CCSER1: variants seen among roughly 807,000 people sequenced by gnomAD.
CCSER1 encodes the protein serine-rich coiled-coil domain-containing protein 1.
A neutral mutation model predicts 82.0 loss-of-function variants in CCSER1; 41 were observed. The observed-to-expected ratio is 0.50, with a 90% CI of 0.39 to 0.65. The LOEUF is 0.65. CCSER1 is among the 30% of genes least tolerant of loss of function. CCSER1 has a pLI of 0.00. For missense variants in CCSER1, 1,119 were observed against 1,064.2 expected, an observed-to-expected ratio of 1.05 and a Z score of -0.72; for synonymous variants, 414 against 383.9, an observed-to-expected ratio of 1.08 and a Z score of -0.92.
chr4:90,972,597 A>G lies in CCSER1; in HGVS notation c.2172+49150A>G, dbSNP rs761501579. Among the ~76,000 whole-genome samples the G allele has an allele frequency of 6.6e-5, 10 of 151,702 alleles. No individual in the cohort carries two copies. In the East Asian group the frequency reaches 7.7e-4, roughly 12 times the overall value. On this transcript the variant is annotated intron_variant, in intron 9 of 10. Coordinates refer to ENST00000509176, the MANE Select transcript of CCSER1 (RefSeq NM_001145065.2). The stretch of plus-strand genomic sequence containing the variant: ...AATATTCTTAAAATACCTGTAGTAC[A>G]CAAGGTGATAAAATTCAACTCATTC...
At chr4:90,298,237 G>A (rs1228269901) in intron 1 of CCSER1, among the ~76,000 whole-genome samples, 14 of 151,978 alleles carry the variant, frequency 9.2e-5, no homozygotes, top group East Asian at 3.9e-4. Context: ...TGTATGTGTC[G>A]AGGAATTTAT....
chr4:90,814,151 G>T (rs1758700615), intron 7 of CCSER1, among the ~76,000 whole-genome samples: 1 of 152,192 alleles, frequency 6.6e-6, no homozygotes, highest in Non-Finnish European at 1.5e-5. Flanking sequence ...GAAAGACCTG[G>T]GCTGTACGTT....
intron 1 of CCSER1, among the ~76,000 whole-genome samples, chr4:90,270,709 G>T (rs773993236): frequency 1.3e-5 from 2 of 151,948 alleles, no homozygotes; most frequent in East Asian, 3.9e-4. Context: ...TACTATCCCT[G>T]TTTGCAGATG....
At chr4:91,097,177 T>TA in intron 10 of CCSER1, among the ~76,000 whole-genome samples, 1 of 152,200 alleles carries the variant, frequency 6.6e-6, no homozygotes, top group Non-Finnish European at 1.5e-5. Flanking sequence ...ATCACAGGTC[T>TA]AAAATCACAT....
chr4:91,237,267 A>G (rs561605811), intron 10 of CCSER1, among the ~76,000 whole-genome samples: 90 of 152,056 alleles, frequency 5.9e-4, no homozygotes, highest in Non-Finnish European at 1.1e-3. Context: ...TTTAGAGTTT[A>G]AGAAAGATAC....
At chr4:91,295,225 T>C (rs1364627999) in intron 10 of CCSER1, among the ~76,000 whole-genome samples, 1 of 152,010 alleles carries the variant, frequency 6.6e-6, no homozygotes, top group East Asian at 1.9e-4. Context: ...TTCTGTATTG[T>C]TTATAATTTT....
intron 1 of CCSER1, among the ~76,000 whole-genome samples, chr4:90,235,644 A>C (rs181299765): frequency 1.3e-5 from 2 of 152,346 alleles, no homozygotes; most frequent in Admixed American, 6.5e-5. Flanking sequence ...TTATTAAAGA[A>C]TTACTATGCA....
chr4:90,974,369 T>C (rs1172769074), intron 9 of CCSER1, among the ~76,000 whole-genome samples: 1 of 147,332 alleles, frequency 6.8e-6, no homozygotes, highest in Non-Finnish European at 1.5e-5. Context: ...TGTATACATA[T>C]CTCAAAACAT....
At chr4:91,526,389 T>C (rs886520959) in intron 10 of CCSER1, among the ~76,000 whole-genome samples, 31 of 152,176 alleles carry the variant, frequency 2.0e-4, no homozygotes, top group African/African-American at 7.0e-4. Context: ...CTTAAATGTA[T>C]TTGATTAAAG....
At position 91,602,319 on chromosome 4, in the gene CCSER1, TTTTC is replaced by T. The variant is rs1467360162; in HGVS notation, c.*3266_*3269del. On this transcript the variant is annotated 3_prime_UTR_variant, in exon 11 of 11. Coordinates refer to ENST00000509176, the MANE Select transcript of CCSER1 (RefSeq NM_001145065.2). ...ATAGGAAATTCCACATTTTGTTTTG[TTTTC>T]TTTGTCTTGTTTAATAGAGATAATA... Among the ~76,000 whole-genome samples, 10 of 152,178 alleles carry T rather than the reference TTTTC, an allele frequency of 6.6e-5. No homozygotes were observed. The highest frequency in any genetic ancestry group is 3.9e-4 in the East Asian group (2 of 5,192).
intron 9 of CCSER1, among the ~76,000 whole-genome samples, chr4:90,994,508 A>G (rs757790192): frequency 5.9e-5 from 9 of 152,068 alleles, no homozygotes; most frequent in African/African-American, 9.7e-5. Context: ...AAAAAAAATC[A>G]TAAGTTGAAC....
chr4:90,276,300 TTCC>T (rs1560930216), intron 1 of CCSER1, among the ~76,000 whole-genome samples: 3 of 129,972 alleles, frequency 2.3e-5, no homozygotes, highest in African/African-American at 9.3e-5. Flanking sequence ...CCTTCCTTCC[TTCC>T]TTCCTTTCTT....
intron 7 of CCSER1, among the ~76,000 whole-genome samples, chr4:90,782,487 A>T (rs1392606009): frequency 6.6e-6 from 1 of 152,128 alleles, no homozygotes; most frequent in African/African-American, 2.4e-5. Context: ...AGGCTTTTTT[A>T]GTGGGTGTTG....
chr4:90,336,301 T>G (rs1264952112), intron 3 of CCSER1, among the ~76,000 whole-genome samples: 3 of 152,210 alleles, frequency 2.0e-5, no homozygotes, highest in East Asian at 1.9e-4. Flanking sequence ...ATAGATTTAG[T>G]TAAAGAGTTA....
intron 5 of CCSER1, among the ~76,000 whole-genome samples, chr4:90,553,785 T>C (rs1777802754): frequency 1.3e-5 from 2 of 152,246 alleles, no homozygotes; most frequent in Admixed American, 6.5e-5. Context: ...GAGTTGGATT[T>C]GCAGACAGGA....
At chr4:90,930,963 A>G (rs1379684441) in intron 9 of CCSER1, among the ~76,000 whole-genome samples, 5 of 139,802 alleles carry the variant, frequency 3.6e-5, no homozygotes, top group Admixed American at 2.2e-4. Flanking sequence ...ATATACATAC[A>G]TGATACATAT....
chr4:90,396,463 A>G (rs1016264103), intron 3 of CCSER1, among the ~76,000 whole-genome samples: 2 of 152,208 alleles, frequency 1.3e-5, no homozygotes, highest in Admixed American at 6.5e-5. Context: ...TAAGTATAAT[A>G]AGAAAAACAA....
intron 3 of CCSER1, among the ~76,000 whole-genome samples, chr4:90,315,799 G>A (rs1046226664): frequency 4.6e-5 from 7 of 152,138 alleles, no homozygotes; most frequent in Admixed American, 6.5e-5. Context: ...CACCGCACCT[G>A]AGCAGTTACT....
chr4:91,602,090 G>A lies in CCSER1; in HGVS notation c.*3033G>A, dbSNP rs374024992. Among the ~76,000 whole-genome samples, 1 of 151,928 alleles carries A rather than the reference G, an allele frequency of 6.6e-6. No homozygotes were observed. Among genetic ancestry groups the A allele is most frequent in the African/African-American group, 2.4e-5 (1 of 41,412 alleles). On this transcript the variant is annotated 3_prime_UTR_variant, in exon 11 of 11. Coordinates refer to ENST00000509176, the MANE Select transcript of CCSER1 (RefSeq NM_001145065.2). Reference sequence around the variant, plus strand: ...GATGTGAATCCACCACTATCAATACGGTCAGGGTAAAACCTGGAGCCACAT... The same window carrying A: ...GATGTGAATCCACCACTATCAATACAGTCAGGGTAAAACCTGGAGCCACAT...
Sources: gnomAD v4.1 joint callset for allele counts (sites outside exome capture counted in the v4.1 genomes callset) on GRCh38, gnomAD v4.1.1 for gene constraint, MANE v1.5 for transcripts, NCBI Gene and HGNC (gene_info 2026-07-23, HGNC 2026-07-21) for gene names.